The following CADM1 variants were observed in gnomAD, a reference collection of about 807,000 sequenced individuals.
CADM1 encodes the protein TSLC-1.
In CADM1, 15 loss-of-function variants were observed where a neutral mutation model predicts 53.1. The observed-to-expected ratio is 0.28, with a 90% confidence interval of 0.19 to 0.44. The LOEUF is 0.44. Among genes scored for constraint, CADM1 ranks in the 20% least tolerant of loss-of-function variants. CADM1 has a pLI of 1.00. For synonymous variants in CADM1, 281 were observed against 243.0 expected (o/e 1.16, Z -1.45); for missense variants, 434 against 611.3 (o/e 0.71, Z 3.06).
At chr11:115,327,507 G>C (rs1337503298) in intron 1 of CADM1, among the ~76,000 whole-genome samples, 2 of 144,808 alleles carry the variant, frequency 1.4e-5, no homozygotes, top group African/African-American at 5.1e-5. Flanking sequence ...ACTTTTGATT[G>C]GAATACATAA....
chr11:115,298,051 C>T (rs780304103), intron 1 of CADM1, among the ~76,000 whole-genome samples: 2 of 152,210 alleles, frequency 1.3e-5, no homozygotes, highest in Non-Finnish European at 2.9e-5. Context: ...TGAATTGTTA[C>T]AGATTCACCA....
chr11:115,258,497 C>T (rs546863397), intron 1 of CADM1, among the ~76,000 whole-genome samples: 178 of 152,318 alleles, frequency 1.2e-3, no homozygotes, highest in African/African-American at 4.1e-3. Flanking sequence ...CCGAGATGCA[C>T]TCTGCCACCA....
At chr11:115,404,346 A>AAAAAAAATAT (rs1947251974) in intron 1 of CADM1, among the ~76,000 whole-genome samples, 3 of 33,778 alleles carry the variant, frequency 8.9e-5, no homozygotes, top group Non-Finnish European at 1.5e-4. Context: ...AAAAAAAAAA[A>AAAAAAAATAT]ATATATATAT....
At chr11:115,348,128 T>C (rs1009388002) in intron 1 of CADM1, among the ~76,000 whole-genome samples, 4 of 152,138 alleles carry the variant, frequency 2.6e-5, no homozygotes, top group Non-Finnish European at 4.4e-5. Context: ...TGCTTGCCTA[T>C]TGAAAAGAGA....
intron 10 of CADM1, among the ~76,000 whole-genome samples, chr11:115,184,983 T>C (rs1397706703): frequency 6.6e-6 from 1 of 152,218 alleles, no homozygotes; most frequent in Admixed American, 6.5e-5. Context: ...CTGGACTTGC[T>C]GTCATTTCTG....
chr11:115,307,517 A>AAAAT lies in CADM1; in HGVS notation c.125-67098_125-67097insATTT, dbSNP rs10673324. Reference sequence around the variant, plus strand: ...CAACTATTTAAGCCAGGAAAAAAAAAATATATATATATATATATGCTGAGA... The same window carrying AAAAT: ...CAACTATTTAAGCCAGGAAAAAAAAAAAATATATATATATATATATATGCTGAGA... On this transcript the variant is annotated intron_variant, in intron 1 of 11. Coordinates refer to ENST00000331581, the MANE Select transcript of CADM1 (RefSeq NM_001301043.2). 2.4e-3 allele frequency among the ~76,000 whole-genome samples: 353 copies of AAAAT among 144,282 alleles called. 2 individuals are homozygous for AAAAT. Among genetic ancestry groups the AAAAT allele is most frequent in the African/African-American group, 5.9e-3 (231 of 39,372 alleles). 94.7% of individuals were successfully genotyped at this position (144,282 alleles called of 152,430 possible).
At chr11:115,400,158 T>G (rs527922697) in intron 1 of CADM1, among the ~76,000 whole-genome samples, 1 of 152,098 alleles carries the variant, frequency 6.6e-6, no homozygotes, top group African/African-American at 2.4e-5. Context: ...CTATAAAAAC[T>G]TAAACAAATT....
At chr11:115,260,073 C>G (rs2135013244) in intron 1 of CADM1, among the ~76,000 whole-genome samples, 1 of 152,264 alleles carries the variant, frequency 6.6e-6, no homozygotes, top group Non-Finnish European at 1.5e-5. Flanking sequence ...ACTATAGGCA[C>G]ATGCCACCAT....
chr11:115,434,400 C>A (rs1385456143), intron 1 of CADM1, among the ~76,000 whole-genome samples: 1 of 152,206 alleles, frequency 6.6e-6, no homozygotes, highest in Non-Finnish European at 1.5e-5. Context: ...TGCAAGGCAC[C>A]AAGCTAAGTG....
rs1252743130 is a variant in CADM1, at chr11:115,197,788, C to T, written c.1111+618G>A. On this transcript the variant is annotated intron_variant, in intron 9 of 11. Transcript: ENST00000331581. Reference sequence around the variant, plus strand: ...TTCTTGGTTTGGAGGAGTTTTCTGCCAAATGTGAGCATAAAGTTATATGAA... The same window carrying T: ...TTCTTGGTTTGGAGGAGTTTTCTGCTAAATGTGAGCATAAAGTTATATGAA... 2.0e-5 allele frequency among the ~76,000 whole-genome samples: 3 copies of T among 152,248 alleles called. No individual in the cohort carries two copies. In the East Asian group the frequency reaches 5.8e-4, roughly 29 times the overall value.
At chr11:115,185,482 T>C (rs1204477745) in intron 10 of CADM1, among the ~76,000 whole-genome samples, 2 of 152,158 alleles carry the variant, frequency 1.3e-5, no homozygotes, top group Non-Finnish European at 2.9e-5. Flanking sequence ...ACCATTTGAG[T>C]ATCAGGATAT....
rs1939000493 is a variant in CADM1 at position 115,175,795 on chromosome 11, TCA to T, written c.*677_*678del. ...CACAGCAAACAGAACATTTTCTGAA[TCA>T]CAGTCTAATTTTCTAGTCTTCACTG... On this transcript the variant is annotated 3_prime_UTR_variant, in exon 12 of 12. Coordinates refer to ENST00000331581, the MANE Select transcript of CADM1 (RefSeq NM_001301043.2). 2.0e-6 allele frequency: 2 copies of T among 992,872 alleles called. No homozygotes were observed. The highest frequency in any genetic ancestry group is 1.2e-6 in the Non-Finnish European group (1 of 834,346). The allele number at this position is 992,872 out of a possible 1,614,324, so 61.5% of individuals were successfully genotyped here.
At chr11:115,388,411 T>G (rs1946754036) in intron 1 of CADM1, among the ~76,000 whole-genome samples, 1 of 152,078 alleles carries the variant, frequency 6.6e-6, no homozygotes, top group South Asian at 2.1e-4. Flanking sequence ...ATCTAAGGGG[T>G]GAGTTTTGAA....
chr11:115,493,054 T>C (rs56144041), intron 1 of CADM1, among the ~76,000 whole-genome samples: 12,601 of 152,120 alleles, frequency 0.083, 710 homozygotes, highest in Middle Eastern at 0.14. Flanking sequence ...AATATCATTC[T>C]TTGACTAAAA....
intron 1 of CADM1, among the ~76,000 whole-genome samples, chr11:115,319,936 C>G (rs1480223935): frequency 6.6e-6 from 1 of 152,084 alleles, no homozygotes; most frequent in Non-Finnish European, 1.5e-5. Flanking sequence ...CTGTTGGGGC[C>G]TTATTTGGAG....
chr11:115,259,917 C>T (rs1457484007), intron 1 of CADM1, among the ~76,000 whole-genome samples: 1 of 152,086 alleles, frequency 6.6e-6, no homozygotes, highest in African/African-American at 2.4e-5. Context: ...TGGCTCTTAA[C>T]CCTCTCTGTT....
chr11:115,348,142 C>A (rs530637883), intron 1 of CADM1, among the ~76,000 whole-genome samples: 3 of 152,070 alleles, frequency 2.0e-5, no homozygotes, highest in Non-Finnish European at 2.9e-5. Flanking sequence ...AAAGAGAAAC[C>A]ACACCAAGAT....
At chr11:115,281,198 C>A (rs1420073135) in intron 1 of CADM1, among the ~76,000 whole-genome samples, 1 of 152,194 alleles carries the variant, frequency 6.6e-6, no homozygotes, top group Non-Finnish European at 1.5e-5. Context: ...CTGGAAGATG[C>A]CTGACCATAG....
intron 1 of CADM1, among the ~76,000 whole-genome samples, chr11:115,293,551 C>T (rs1001497270): frequency 6.6e-6 from 1 of 152,194 alleles, no homozygotes; most frequent in African/African-American, 2.4e-5. Flanking sequence ...AAAAACCCAA[C>T]TTGTAATTAA....
Sources: allele counts gnomAD v4.1 joint callset (sites outside exome capture counted in the v4.1 genomes callset), GRCh38; gene constraint gnomAD v4.1.1; transcripts MANE v1.5; gene names NCBI Gene and HGNC (gene_info 2026-07-23, HGNC 2026-07-21).